SUPT3H: variants seen among roughly 807,000 people sequenced by gnomAD.
The protein encoded by SUPT3H is transcription initiation protein SPT3 homolog.
Under a neutral mutation model 44.3 loss-of-function variants are expected in SUPT3H, and 44 were observed. The observed-to-expected ratio is 0.99, with a 90% CI of 0.78 to 1.28. The LOEUF (loss-of-function observed/expected upper bound fraction) is 1.28. Among genes scored for constraint, SUPT3H ranks in the 50% most tolerant of loss-of-function variants. The probability of loss-of-function intolerance (pLI) is 0.00; values close to 1 mark genes in which losing one functional copy is unlikely to be tolerated. For synonymous variants in SUPT3H, 124 were observed against 125.6 expected, an observed-to-expected ratio of 0.99 and a Z score of 0.09; for missense variants, 380 against 387.1, an observed-to-expected ratio of 0.98 and a Z score of 0.15.
chr6:45,255,272 T>C (rs1393115185), intron 2 of SUPT3H, among the ~76,000 whole-genome samples: 1 of 152,176 alleles, frequency 6.6e-6, no homozygotes, highest in Non-Finnish European at 1.5e-5. Context: ...ACTATGATAT[T>C]GTCTTCTTTC....
At position 45,340,204 on chromosome 6, in the gene SUPT3H, T is replaced by A. The variant is rs369305600; in HGVS notation, c.101+24997A>T. Among the ~76,000 whole-genome samples, 45 of 152,298 alleles carry A rather than the reference T, an allele frequency of 3.0e-4. 1 individual carries two copies. The highest frequency in any genetic ancestry group is 1.3e-3 in the East Asian group (7 of 5,190). On this transcript the variant is annotated intron_variant, in intron 2 of 10. Coordinates refer to ENST00000371459, the MANE Select transcript of SUPT3H (RefSeq NM_003599.4). ...AACCAATAAAATACAAACAAGAAGA[T>A]AATCCTGGAGTCTTCAAATTACCCT...
At chr6:45,208,630 A>C (rs1263315872) in intron 2 of SUPT3H, among the ~76,000 whole-genome samples, 7 of 151,896 alleles carry the variant, frequency 4.6e-5, no homozygotes, top group Non-Finnish European at 1.5e-5. Context: ...ACGCTGAGAC[A>C]GGAGAATCGC....
intron 2 of SUPT3H, among the ~76,000 whole-genome samples, chr6:45,303,872 A>G (rs1782565279): frequency 6.6e-6 from 1 of 151,754 alleles, no homozygotes; most frequent in African/African-American, 2.4e-5. Flanking sequence ...GCGCGCCTGT[A>G]GTCCCAGCTA....
intron 4 of SUPT3H, among the ~76,000 whole-genome samples, chr6:45,019,636 C>A (rs1255211586): frequency 6.6e-6 from 1 of 151,950 alleles, no homozygotes; most frequent in Non-Finnish European, 1.5e-5. Context: ...CTGCATTTTA[C>A]ACAGTTCTTT....
chr6:45,209,097 G>GA (rs34083137), intron 2 of SUPT3H, among the ~76,000 whole-genome samples: 2 of 152,156 alleles, frequency 1.3e-5, no homozygotes, highest in Non-Finnish European at 2.9e-5. Context: ...CTACTACTCA[G>GA]AAAAAAGATT....
intron 2 of SUPT3H, among the ~76,000 whole-genome samples, chr6:45,297,670 C>T (rs1781507591): frequency 1.3e-5 from 2 of 152,132 alleles, no homozygotes; most frequent in African/African-American, 2.4e-5. Context: ...ACTACACACA[C>T]ACAATGTTAC....
chr6:44,921,145 T>C (rs1342133081), intron 10 of SUPT3H, among the ~76,000 whole-genome samples: 1 of 152,214 alleles, frequency 6.6e-6, no homozygotes, highest in Non-Finnish European at 1.5e-5. Context: ...TCTAACACAA[T>C]GTTTGGCACA....
intron 3 of SUPT3H, among the ~76,000 whole-genome samples, chr6:45,093,877 G>T (rs1326831522): frequency 6.6e-6 from 1 of 152,076 alleles, no homozygotes; most frequent in Non-Finnish European, 1.5e-5. Context: ...CAAATGGAAG[G>T]TTAGATAATT....
chr6:45,133,682 C>T (rs1448369760), intron 2 of SUPT3H, among the ~76,000 whole-genome samples: 2 of 152,052 alleles, frequency 1.3e-5, no homozygotes, highest in Non-Finnish European at 2.9e-5. Flanking sequence ...ATATTTTTTC[C>T]GGAACATCTG....
chr6:45,277,947 T>TA (rs1004154060), intron 2 of SUPT3H, among the ~76,000 whole-genome samples: 12 of 152,100 alleles, frequency 7.9e-5, no homozygotes, highest in African/African-American at 2.7e-4. Flanking sequence ...TATGCAGCCA[T>TA]AAAAAAGGAT....
chr6:45,348,253 T>C (rs1400148663), intron 2 of SUPT3H, among the ~76,000 whole-genome samples: 3 of 151,998 alleles, frequency 2.0e-5, no homozygotes, highest in African/African-American at 7.2e-5. Flanking sequence ...CTAATCCCAG[T>C]TCTACCACTG....
intron 10 of SUPT3H, among the ~76,000 whole-genome samples, chr6:44,919,720 A>C (rs952104190): frequency 6.6e-6 from 1 of 152,088 alleles, no homozygotes; most frequent in Non-Finnish European, 1.5e-5. Flanking sequence ...CGGCAAATAT[A>C]TCTTGAATAC....
rs143620203 is a variant in SUPT3H, at chr6:44,833,208, T to TAGTA, written c.913-3355_913-3352dup. 5.4e-3 allele frequency among the ~76,000 whole-genome samples: 821 copies of TAGTA among 152,302 alleles called. 11 individuals are homozygous for TAGTA. Among genetic ancestry groups the TAGTA allele is most frequent in the African/African-American group, 0.019 (791 of 41,580 alleles). On this transcript the variant is annotated intron_variant, in intron 10 of 10. Coordinates refer to ENST00000371459, the MANE Select transcript of SUPT3H (RefSeq NM_003599.4). ...ATAAACTAGCATAAGAATCTCACTG[T>TAGTA]AGTAAGTAAGTCCCAAACTCTCCTA...
intron 10 of SUPT3H, among the ~76,000 whole-genome samples, chr6:44,928,755 C>A (rs1582553786): frequency 6.6e-6 from 1 of 150,540 alleles, no homozygotes; most frequent in Admixed American, 6.6e-5. Flanking sequence ...CAGTGGCGGG[C>A]GCCTGTAGTC....
At chr6:45,237,184 C>T (rs12196217) in intron 2 of SUPT3H, among the ~76,000 whole-genome samples, 34,560 of 151,982 alleles carry the variant, frequency 0.23, 4,614 homozygotes, top group Non-Finnish European at 0.31. Flanking sequence ...ATGTCCTACC[C>T]GTGAAATAAC....
intron 1 of SUPT3H, among the ~76,000 whole-genome samples, chr6:45,366,419 T>TAAC (rs1795141966): frequency 6.6e-6 from 1 of 152,164 alleles, no homozygotes; most frequent in Non-Finnish European, 1.5e-5. Context: ...GAGAATTAAA[T>TAAC]GAATACATAC....
Position 45,298,323 on chromosome 6 carries a change from C to T in SUPT3H, c.101+66878G>A, listed in dbSNP as rs746934728. On this transcript the variant is annotated intron_variant, in intron 2 of 10. Transcript: ENST00000371459. The stretch of plus-strand genomic sequence containing the variant: ...GAATAAGTTTTAGAATCAGGAAAAA[C>T]TAAAATTATTTTTGTCACTTAAAAG... Among the ~76,000 whole-genome samples the T allele has an allele frequency of 2.6e-5, 4 of 151,968 alleles. No homozygotes were observed. In the East Asian group the frequency reaches 5.8e-4, roughly 22 times the overall value.
intron 1 of SUPT3H, among the ~76,000 whole-genome samples, chr6:45,375,155 T>C (rs760591916): frequency 4.1e-4 from 63 of 152,280 alleles, no homozygotes; most frequent in Non-Finnish European, 2.1e-4. Flanking sequence ...TGCAGTGAGC[T>C]GAGATCGCAC....
At chr6:44,878,780 C>A (rs192707052) in intron 10 of SUPT3H, among the ~76,000 whole-genome samples, 1 of 151,994 alleles carries the variant, frequency 6.6e-6, no homozygotes, top group Non-Finnish European at 1.5e-5. Flanking sequence ...GAGGGCAAGC[C>A]GAAGCAGGGT....
Sources: gnomAD v4.1 joint callset for allele counts (sites outside exome capture counted in the v4.1 genomes callset) on GRCh38, gnomAD v4.1.1 for gene constraint, MANE v1.5 for transcripts, NCBI Gene and HGNC (gene_info 2026-07-23, HGNC 2026-07-21) for gene names.